The following COL23A1 variants were observed in gnomAD, a reference collection of about 807,000 sequenced individuals.
COL23A1 encodes collagen type XXIII alpha 1 chain.
Under a neutral mutation model 99.3 loss-of-function variants are expected in COL23A1, and 97 were observed. The ratio of observed to expected loss-of-function variants is 0.98; its 90% CI spans 0.83 to 1.16. The LOEUF is 1.16. Among genes scored for constraint, COL23A1 ranks in the 50% most tolerant of loss-of-function variants. The pLI is 0.00. For synonymous variants in COL23A1, 320 were observed against 308.2 expected (o/e 1.04, Z -0.40); for missense variants, 762 against 757.4 (o/e 1.01, Z -0.07).
rs559865025 is a variant in COL23A1 at position 178,302,688 on chromosome 5, C to G, written c.406+4187G>C. Among the ~76,000 whole-genome samples, 13 of 152,356 alleles carry G rather than the reference C, an allele frequency of 8.5e-5. No homozygotes were observed. In the East Asian group the frequency reaches 2.5e-3, roughly 29 times the overall value. On this transcript the variant is annotated intron_variant, in intron 3 of 28. Coordinates refer to ENST00000390654, the MANE Select transcript of COL23A1 (RefSeq NM_173465.4). ...CTTTTCAAAGCTCCTTTGAACATCT[C>G]ATTCCCTATATTTTTATTGTAAGTT...
intron 3 of COL23A1, among the ~76,000 whole-genome samples, chr5:178,298,815 C>T (rs1757883624): frequency 6.6e-6 from 1 of 152,216 alleles, no homozygotes; most frequent in South Asian, 2.1e-4. Context: ...CCCGCCTTGG[C>T]CTCCCAAAGT....
chr5:178,268,675 T>A (rs1581490043), intron 7 of COL23A1, 55 bp downstream of exon 7: 1 of 1,569,876 alleles, frequency 6.4e-7, no homozygotes, highest in East Asian at 2.3e-5. Flanking sequence ...CGGAGGCAGG[T>A]TTCTGGGATT....
chr5:178,405,879 G>GATC (rs201784288), intron 2 of COL23A1, among the ~76,000 whole-genome samples: 2,337 of 152,288 alleles, frequency 0.015, 45 homozygotes, highest in African/African-American at 0.053. Context: ...AAGGCGGGTG[G>GATC]ATCACTTGAG....
In COL23A1 at chr5:178,237,655, A is replaced by G. The variant is rs1764188996; in HGVS notation, c.*1043T>C. ...TGGTTTATTACACACAGTGATCTCCATCTACACGGAAATGGAAGGCAAGCA... is the reference window on the plus strand; with the variant it reads ...TGGTTTATTACACACAGTGATCTCCGTCTACACGGAAATGGAAGGCAAGCA... On this transcript the variant is annotated 3_prime_UTR_variant, in exon 29 of 29. Transcript: ENST00000390654. 1 of 152,494 alleles carries G rather than the reference A, an allele frequency of 6.6e-6. No individual in the cohort carries two copies. Among genetic ancestry groups the G allele is most frequent in the Non-Finnish European group, 1.5e-5 (1 of 68,010 alleles). 9.4% of individuals were successfully genotyped at this position (152,494 alleles called of 1,614,324 possible).
rs977300278 is a variant in COL23A1 at position 178,255,849 on chromosome 5, C to A, written c.882+504G>T. 6 of 410,680 alleles carry A rather than the reference C, an allele frequency of 1.5e-5. No homozygotes were observed. Among genetic ancestry groups the A allele is most frequent in the African/African-American group, 1.0e-4 (5 of 47,884 alleles). The allele number at this position is 410,680 out of a possible 1,614,324, so 25.4% of individuals were successfully genotyped here. ...GGAGGAAGAAGCCAGCCTCTGGGAG[C>A]ATGAGGAGACAGAGCCGAGGCCAGG... On this transcript the variant is annotated intron_variant, in intron 15 of 28. Transcript: ENST00000390654. This position sits in a 1 kb window ranked among gnomAD's most constrained non-coding sequence, Gnocchi z 4.2.
At chr5:178,353,741 A>T (rs1761461334) in intron 2 of COL23A1, among the ~76,000 whole-genome samples, 1 of 152,182 alleles carries the variant, frequency 6.6e-6, no homozygotes, top group Non-Finnish European at 1.5e-5. Context: ...GATGGGAATC[A>T]GCGCTGTATC....
intron 2 of COL23A1, among the ~76,000 whole-genome samples, chr5:178,464,776 G>A (rs1482510345): frequency 6.6e-6 from 1 of 152,210 alleles, no homozygotes; most frequent in Non-Finnish European, 1.5e-5. Flanking sequence ...CCCAGATGTT[G>A]GGTGTAGCTC....
intron 2 of COL23A1, among the ~76,000 whole-genome samples, chr5:178,462,366 T>C (rs1459903901): frequency 6.6e-6 from 1 of 152,230 alleles, no homozygotes; most frequent in Non-Finnish European, 1.5e-5. Flanking sequence ...AGGGTGCTTT[T>C]CATATTGATT....
At chr5:178,524,338 T>G (rs1250741534) in intron 2 of COL23A1, among the ~76,000 whole-genome samples, 2 of 152,188 alleles carry the variant, frequency 1.3e-5, no homozygotes, top group Non-Finnish European at 2.9e-5. Flanking sequence ...AGACCCTCTC[T>G]AGTTCAGAAG....
chr5:178,560,869 G>T, intron 1 of COL23A1, 121 bp from the exon 2 acceptor site: 2 of 889,900 alleles, frequency 2.2e-6, no homozygotes, highest in South Asian at 1.7e-5. Context: ...TGCTGGGGCT[G>T]TCTGTGAGAC....
intron 2 of COL23A1, among the ~76,000 whole-genome samples, chr5:178,471,945 T>C (rs1562001779): frequency 1.3e-5 from 2 of 152,170 alleles, no homozygotes; most frequent in South Asian, 4.1e-4. Flanking sequence ...TAAGAAACTC[T>C]TCTTTCAAGC....
chr5:178,413,023 C>CAA (rs34110305), intron 2 of COL23A1, among the ~76,000 whole-genome samples: 3,483 of 148,208 alleles, frequency 0.024, 66 homozygotes, highest in African/African-American at 0.056. Flanking sequence ...CCCATTTCTA[C>CAA]AAAAAAAAAA....
At chr5:178,286,637 G>A (rs938459292) in intron 5 of COL23A1, among the ~76,000 whole-genome samples, 2 of 152,190 alleles carry the variant, frequency 1.3e-5, no homozygotes, top group African/African-American at 4.8e-5. Flanking sequence ...TACTCCATCC[G>A]CACCCAGCCT....
intron 2 of COL23A1, among the ~76,000 whole-genome samples, chr5:178,370,389 A>T (rs144163757): frequency 6.6e-6 from 1 of 152,350 alleles, no homozygotes; most frequent in East Asian, 1.9e-4. Flanking sequence ...GGAAGACATG[A>T]CGCTAAGTGA....
chr5:178,585,488 C>T lies in COL23A1; in HGVS notation c.294+4416G>A, dbSNP rs868060286. ...GATGCTGGGGGTAACACTCCACAGC[C>T]CTGGATGACGCTGGAGTAACACTCC... On this transcript the variant is annotated intron_variant, in intron 1 of 28. Coordinates refer to ENST00000390654, the MANE Select transcript of COL23A1 (RefSeq NM_173465.4). Among the ~76,000 whole-genome samples, 6 of 147,262 alleles carry T rather than the reference C, an allele frequency of 4.1e-5. No homozygotes were observed. The South Asian group carries it at 6.5e-4, about 16-fold the overall frequency.
At chr5:178,565,455 C>T (rs1237211365) in intron 1 of COL23A1, among the ~76,000 whole-genome samples, 2 of 152,140 alleles carry the variant, frequency 1.3e-5, no homozygotes, top group Non-Finnish European at 2.9e-5. Flanking sequence ...TACCTGCTTA[C>T]GAAGAGACAG....
intron 16 of COL23A1, among the ~76,000 whole-genome samples, chr5:178,254,310 C>T (rs921307322): frequency 2.0e-5 from 3 of 152,204 alleles, no homozygotes; most frequent in African/African-American, 7.2e-5. Context: ...CCATGCATGC[C>T]TGGGGGTGGG....
chr5:178,407,475 A>T (rs529537654), intron 2 of COL23A1, among the ~76,000 whole-genome samples: 1 of 152,220 alleles, frequency 6.6e-6, no homozygotes, highest in Admixed American at 6.5e-5. Flanking sequence ...CTCAACTCCA[A>T]TGGGAAAAGA....
At chr5:178,518,470 C>A (rs1343284086) in intron 2 of COL23A1, among the ~76,000 whole-genome samples, 9 of 148,084 alleles carry the variant, frequency 6.1e-5, no homozygotes, top group African/African-American at 2.2e-4. Flanking sequence ...CCAGTAGGGG[C>A]GGCCGGGCAG....
Sources: allele counts gnomAD v4.1 joint callset (sites outside exome capture counted in the v4.1 genomes callset), GRCh38; gene constraint gnomAD v4.1.1; non-coding constraint Gnocchi (gnomAD v3.1); transcripts MANE v1.5; gene names NCBI Gene and HGNC (gene_info 2026-07-23, HGNC 2026-07-21).